The following RBM33 variants were observed in gnomAD, a reference collection of about 807,000 sequenced individuals.
RBM33 encodes RNA-binding protein 33.
In RBM33, 28 loss-of-function variants were observed where a neutral mutation model predicts 132.6. The observed-to-expected ratio is 0.21, with a 90% CI of 0.16 to 0.29. The LOEUF (loss-of-function observed/expected upper bound fraction) is 0.29. Among genes scored for constraint, RBM33 ranks in the 10% least tolerant of loss-of-function variants. RBM33 has a pLI of 1.00. For synonymous variants in RBM33, 634 were observed against 593.0 expected (o/e 1.07, Z -1.01); for missense variants, 1,291 against 1,518.5 (o/e 0.85, Z 2.49).
chr7:155,748,972 G>A (rs1271601379), intron 14 of RBM33, among the ~76,000 whole-genome samples: 1 of 152,110 alleles, frequency 6.6e-6, no homozygotes, highest in African/African-American at 2.4e-5. Flanking sequence ...GAAATTTCTT[G>A]CTGTATAGAG....
chr7:155,687,651 G>A (rs1441789264), intron 5 of RBM33, among the ~76,000 whole-genome samples: 1 of 152,096 alleles, frequency 6.6e-6, no homozygotes, highest in Non-Finnish European at 1.5e-5. Context: ...ATTAATTTTC[G>A]TATAAGGTGT....
intron 9 of RBM33, among the ~76,000 whole-genome samples, chr7:155,718,794 T>C (rs1361109816): frequency 6.6e-6 from 1 of 152,188 alleles, no homozygotes; most frequent in Non-Finnish European, 1.5e-5. Context: ...CACAGGCACG[T>C]GTGTTTGTGC....
chr7:155,735,084 G>A (rs989556883), intron 9 of RBM33, among the ~76,000 whole-genome samples: 23 of 152,180 alleles, frequency 1.5e-4, no homozygotes, highest in African/African-American at 4.8e-4. Flanking sequence ...GTCAGGAACT[G>A]TCTGTATATG....
intron 9 of RBM33, among the ~76,000 whole-genome samples, chr7:155,732,452 A>G (rs1469462397): frequency 3.9e-5 from 6 of 152,290 alleles, no homozygotes; most frequent in African/African-American, 1.2e-4. Context: ...TCATTAGCAT[A>G]GTAGTGACTG....
intron 16 of RBM33, among the ~76,000 whole-genome samples, chr7:155,771,199 G>A (rs537295361): frequency 9.9e-5 from 15 of 152,276 alleles, no homozygotes; most frequent in African/African-American, 2.9e-4. Flanking sequence ...CTATGATAGC[G>A]TGTTGCTCAG....
intron 12 of RBM33, 123 bp from the exon 13 acceptor site, chr7:155,741,696 C>T: frequency 1.1e-6 from 1 of 919,298 alleles, no homozygotes; most frequent in East Asian, 2.6e-5. Flanking sequence ...AGTATCTGCT[C>T]CCCAAAAGAA....
Position 155,711,209 on chromosome 7 carries a change from G to C in RBM33, c.955G>C (p.Ala319Pro), listed in dbSNP as rs1322473625. 3.2e-6 allele frequency: 5 copies of C among 1,555,584 alleles called. No individual in the cohort carries two copies. Among genetic ancestry groups the C allele is most frequent in the Admixed American group, 2.0e-5 (1 of 51,214 alleles). ...AAGGTTAATTCCTCCACAGCCCCAG[G>C]CTCCCCCTCCACCGCCACCGCCGCC... The part of the protein sequence containing the change: ...LPTQPPVVPQ[A>P]PPPPPPPPQQ... The change falls in exon 8 of 18, where the codon GCT (alanine) becomes CCT (proline). Residue 319 changes from alanine to proline, a missense_variant. This residue lies in a region of RBM33 where 146 missense variants were observed against 137.1 expected (regional missense o/e 1.07). Transcript: ENST00000401878.
chr7:155,773,048 A>G (rs1802481858), intron 16 of RBM33, among the ~76,000 whole-genome samples: 1 of 152,218 alleles, frequency 6.6e-6, no homozygotes, highest in South Asian at 2.1e-4. Context: ...CTTCCATTGT[A>G]GCTCTTTGAC....
At chr7:155,742,212 A>T in intron 13 of RBM33, 106 bp downstream of exon 13, 1 of 1,078,756 alleles carries the variant, frequency 9.3e-7, no homozygotes, top group South Asian at 2.0e-5. Flanking sequence ...AAATCTTCCC[A>T]CTTTTTTCAC....
Position 155,702,694 on chromosome 7 carries a change from G to A in RBM33, c.739+1750G>A, listed in dbSNP as rs374787622. Among the ~76,000 whole-genome samples, 5 of 152,246 alleles carry A rather than the reference G, an allele frequency of 3.3e-5. No homozygotes were observed. The South Asian group carries it at 1.0e-3, about 32-fold the overall frequency. ...CTGGCAGAATACTAAGGAATTCTAA[G>A]GGCAACCCACAGCCACCACCTGGAA... On this transcript the variant is annotated intron_variant, in intron 6 of 17. Coordinates refer to ENST00000401878, the MANE Select transcript of RBM33 (RefSeq NM_053043.3).
At chr7:155,648,881 A>G (rs1188316638) in intron 1 of RBM33, among the ~76,000 whole-genome samples, 2 of 152,068 alleles carry the variant, frequency 1.3e-5, no homozygotes, top group Admixed American at 6.5e-5. Flanking sequence ...TGTTAATCTT[A>G]TGGAGGATCC....
rs766509109 is a variant in RBM33 at position 155,740,038 on chromosome 7, G to C, written c.2049+12G>C. ...AGGGGCTCCGGCATGTAAGTGTCAA[G>C]GGGTGTCTTCCCTGTGTCTTCCTGG... On this transcript the variant is annotated intron_variant, in intron 12 of 17. Coordinates refer to ENST00000401878, the MANE Select transcript of RBM33 (RefSeq NM_053043.3). The C allele has an allele frequency of 2.0e-6, 3 of 1,524,002 alleles. No homozygotes were observed. The highest frequency in any genetic ancestry group is 2.7e-6 in the Non-Finnish European group (3 of 1,129,372). The allele number at this position is 1,524,002 out of a possible 1,614,324, so 94.4% of individuals were successfully genotyped here.
intron 16 of RBM33, among the ~76,000 whole-genome samples, chr7:155,772,228 G>A (rs1291280240): frequency 6.6e-6 from 1 of 152,176 alleles, no homozygotes; most frequent in Non-Finnish European, 1.5e-5. Flanking sequence ...AGAACGGAGA[G>A]AACCCCGGAG....
intron 9 of RBM33, among the ~76,000 whole-genome samples, chr7:155,727,833 G>C (rs569930197): frequency 6.6e-6 from 1 of 152,188 alleles, no homozygotes; most frequent in South Asian, 2.1e-4. Flanking sequence ...TGGTGTGATC[G>C]CAGCTCGCTG....
chr7:155,700,324 G>A (rs1413887098), intron 5 of RBM33, among the ~76,000 whole-genome samples: 1 of 152,196 alleles, frequency 6.6e-6, no homozygotes, highest in Non-Finnish European at 1.5e-5. Context: ...CAGTGAAGGG[G>A]AAGGTAGGTG....
chr7:155,751,703 G>T (rs1801690385), intron 14 of RBM33, among the ~76,000 whole-genome samples: 1 of 152,232 alleles, frequency 6.6e-6, no homozygotes, highest in Admixed American at 6.5e-5. Flanking sequence ...ATATTGACAA[G>T]ATTAACTTTG....
chr7:155,738,685 G>T, intron 11 of RBM33: 1 of 383,664 alleles, frequency 2.6e-6, no homozygotes. Context: ...GACATGTTTT[G>T]ATAATACATT....
At position 155,739,844 on chromosome 7, in the gene RBM33, C is replaced by T; in HGVS notation, c.1867C>T (p.Pro623Ser). 6.7e-7 allele frequency: 1 copy of T among 1,482,056 alleles called. No homozygotes were observed. The highest frequency in any genetic ancestry group is 9.1e-7 in the Non-Finnish European group (1 of 1,095,324). The allele number at this position is 1,482,056 out of a possible 1,614,324, so 91.8% of individuals were successfully genotyped here. A position where few individuals can be genotyped will look rare whatever the true frequency, so the allele number is the denominator to read the frequency against. Residue 623 changes from proline (P) to serine (S), a missense_variant, in exon 12 of 18, where the codon CCC (proline) becomes TCC (serine). Pro to Ser is a moderately conservative substitution (Grantham distance 74, BLOSUM62 -1). Transcript: ENST00000401878. ...HQPPPQHQPP[P>S]QHPPQHPPQH... ...GCCCCCGCCCCAGCACCAGCCCCCA[C>T]CCCAGCACCCACCACAGCACCCGCC...
At chr7:155,660,358 C>T (rs1798607167) in intron 1 of RBM33, among the ~76,000 whole-genome samples, 1 of 152,242 alleles carries the variant, frequency 6.6e-6, no homozygotes, top group South Asian at 2.1e-4. Flanking sequence ...GCATGAGTCA[C>T]TATGCTCGGC....
Sources: gnomAD v4.1 joint callset for allele counts (sites outside exome capture counted in the v4.1 genomes callset) on GRCh38, gnomAD v4.1.1 for gene constraint, gnomAD v4.1.1 regional missense constraint, MANE v1.5 for transcripts, NCBI Gene and HGNC (gene_info 2026-07-23, HGNC 2026-07-21) for gene names.